The following OSBPL2 variants were observed in gnomAD, a reference collection of about 807,000 sequenced individuals.
The protein encoded by OSBPL2 is oxysterol binding protein like 2.
OSBPL2 carries 18 observed loss-of-function variants against 58.4 expected under a neutral mutation model. That is an observed-to-expected ratio of 0.31 (90% confidence interval 0.21 to 0.46). OSBPL2 has a LOEUF of 0.46. Ranked by LOEUF, OSBPL2 falls within the 20% of genes least tolerant of loss-of-function variation. The pLI, the probability that OSBPL2 is intolerant of heterozygous loss-of-function variation, is 1.00. For synonymous variants in OSBPL2, 221 were observed against 234.1 expected, an observed-to-expected ratio of 0.94 and a Z score of 0.51; for missense variants, 461 against 616.5, an observed-to-expected ratio of 0.75 and a Z score of 2.67.
chr20:62,259,134 T>C (rs931896016), intron 2 of OSBPL2: 3 of 152,356 alleles, frequency 2.0e-5, no homozygotes, highest in Non-Finnish European at 4.4e-5. Flanking sequence ...ACTGGGTGGT[T>C]GCCGGCTGCT....
intron 4 of OSBPL2, among the ~76,000 whole-genome samples, chr20:62,267,026 G>T (rs952508491): frequency 2.6e-5 from 4 of 152,196 alleles, no homozygotes; most frequent in Non-Finnish European, 5.9e-5. Flanking sequence ...GAGGCGAGAG[G>T]ATCGCTCGAG....
Position 62,256,191 on chromosome 20 carries a change from G to A in OSBPL2, c.7G>A (p.Gly3Arg), listed in dbSNP as rs746311450. The change falls in exon 2 of 14, where the codon GGA (glycine) becomes AGA (arginine). Residue 3 changes from glycine to arginine, a missense_variant. By Grantham distance (125) the Gly-to-Arg change is moderately radical. Coordinates refer to ENST00000313733, the MANE Select transcript of OSBPL2 (RefSeq NM_144498.4). The stretch of plus-strand genomic sequence containing the variant: ...GGAGGCTGGCTGCTGAAGGATGAAC[G>A]GAGAGGAAGAATTCTTTGATGCCGT... The part of the protein sequence containing the change: MN[G>R]EEEFFDAVTG... 38 of 1,613,776 alleles carry A rather than the reference G, an allele frequency of 2.4e-5. No individual in the cohort carries two copies. Among genetic ancestry groups the A allele is most frequent in the South Asian group, 3.3e-5 (3 of 91,072 alleles).
chr20:62,248,114 A>G (rs1601149453), intron 1 of OSBPL2, among the ~76,000 whole-genome samples: 1 of 137,860 alleles, frequency 7.3e-6, no homozygotes, highest in Admixed American at 7.1e-5. Flanking sequence ...TAAAACTTAT[A>G]TTTTCTCTCT....
intron 6 of OSBPL2, among the ~76,000 whole-genome samples, chr20:62,273,877 C>T (rs1218412934): frequency 6.6e-6 from 1 of 152,206 alleles, no homozygotes; most frequent in African/African-American, 2.4e-5. Context: ...CGTTTGCCAC[C>T]ACAGCCTCCC....
At position 62,294,570 on chromosome 20, in the gene OSBPL2, C is replaced by G. The variant is rs1601210718; in HGVS notation, c.*683C>G. The G allele has an allele frequency of 6.6e-6, 1 of 152,502 alleles. No homozygotes were observed. Among genetic ancestry groups the G allele is most frequent in the Non-Finnish European group, 1.5e-5 (1 of 68,068 alleles). 9.4% of individuals were successfully genotyped at this position (152,502 alleles called of 1,614,324 possible). A position where few individuals can be genotyped will look rare whatever the true frequency, so the allele number is the denominator to read the frequency against. On this transcript the variant is annotated 3_prime_UTR_variant, in exon 14 of 14. Transcript: ENST00000313733. ...TATACTGTCCAAAATGAAGCATCCCCGTGACAAACCAGAGTGGGCAGAAGC... is the reference window on the plus strand; with the variant it reads ...TATACTGTCCAAAATGAAGCATCCCGGTGACAAACCAGAGTGGGCAGAAGC...
intron 2 of OSBPL2, among the ~76,000 whole-genome samples, chr20:62,258,306 T>C (rs1038078637): frequency 3.9e-5 from 6 of 152,232 alleles, no homozygotes; most frequent in African/African-American, 1.4e-4. Context: ...AGAGGTAGAC[T>C]CTCGACTCCT....
intron 1 of OSBPL2, among the ~76,000 whole-genome samples, chr20:62,239,560 G>A (rs182970239): frequency 1.4e-3 from 206 of 152,336 alleles, no homozygotes; most frequent in African/African-American, 4.7e-3. Context: ...TGGGATGACT[G>A]CCCGGAACAC....
intron 6 of OSBPL2, among the ~76,000 whole-genome samples, chr20:62,275,404 T>C (rs1281685902): frequency 7.1e-6 from 1 of 140,258 alleles, no homozygotes; most frequent in African/African-American, 2.5e-5. Context: ...TTCTTGTTCC[T>C]TTTTTTTTTT....
rs778688655 is a variant in OSBPL2, at chr20:62,293,916, C to G, written c.*29C>G. 2 of 1,606,780 alleles carry G rather than the reference C, an allele frequency of 1.2e-6. No homozygotes were observed. The highest frequency in any genetic ancestry group is 1.7e-6 in the Non-Finnish European group (2 of 1,177,242). ...CCTGGAGGGGCCTGGGGCCCGGGACCGGAGGCTGACGAGGCTGGACTTCCT... is the reference window on the plus strand; with the variant it reads ...CCTGGAGGGGCCTGGGGCCCGGGACGGGAGGCTGACGAGGCTGGACTTCCT... On this transcript the variant is annotated 3_prime_UTR_variant, in exon 14 of 14. Transcript: ENST00000313733.
In OSBPL2 at chr20:62,295,201, C is replaced by G. The variant is rs1272992517; in HGVS notation, c.*1314C>G. On this transcript the variant is annotated 3_prime_UTR_variant, in exon 14 of 14. Transcript: ENST00000313733. This position sits in a 1 kb window ranked among gnomAD's most constrained non-coding sequence, Gnocchi z 4.8. ...TCCCGACCTCAAGTAGTCTGCCTGCCTCAACCTCCCAAAGTGCTGGGATTA... is the reference window on the plus strand; with the variant it reads ...TCCCGACCTCAAGTAGTCTGCCTGCGTCAACCTCCCAAAGTGCTGGGATTA... The G allele has an allele frequency of 6.6e-6, 1 of 151,868 alleles. No homozygotes were observed. The highest frequency in any genetic ancestry group is 1.5e-5 in the Non-Finnish European group (1 of 68,054). 9.4% of individuals were successfully genotyped at this position (151,868 alleles called of 1,614,324 possible).
chr20:62,248,106 A>C (rs187813731), intron 1 of OSBPL2, among the ~76,000 whole-genome samples: 104 of 151,278 alleles, frequency 6.9e-4, no homozygotes, highest in African/African-American at 2.3e-3. Flanking sequence ...TTATGAAATA[A>C]AACTTATATT....
intron 2 of OSBPL2, chr20:62,258,889 C>G (rs1981110445): frequency 1.3e-5 from 2 of 152,234 alleles, no homozygotes; most frequent in African/African-American, 4.8e-5. Flanking sequence ...ATTTCAGAAA[C>G]TGTGGGCCAT....
chr20:62,244,844 G>C (rs762288551), intron 1 of OSBPL2, among the ~76,000 whole-genome samples: 4 of 152,218 alleles, frequency 2.6e-5, no homozygotes, highest in African/African-American at 9.6e-5. Flanking sequence ...GCTCACCTTT[G>C]CCTGCCTCTC....
chr20:62,293,374 C>G (rs1983654083), intron 13 of OSBPL2, among the ~76,000 whole-genome samples: 1 of 152,210 alleles, frequency 6.6e-6, no homozygotes, highest in Non-Finnish European at 1.5e-5. Context: ...TTCTCTTTGC[C>G]TATAATGTCT....
chr20:62,254,751 C>T (rs2145925771), intron 1 of OSBPL2, among the ~76,000 whole-genome samples: 1 of 152,080 alleles, frequency 6.6e-6, no homozygotes. Context: ...CTGATTTTGG[C>T]TTCCTTCTCT....
chr20:62,246,358 G>C (rs556274657), intron 1 of OSBPL2, among the ~76,000 whole-genome samples: 1 of 152,246 alleles, frequency 6.6e-6, no homozygotes, highest in Non-Finnish European at 1.5e-5. Context: ...CCATAGGGAC[G>C]ACACTGGACA....
At chr20:62,289,583 AAAATG>A in intron 12 of OSBPL2, among the ~76,000 whole-genome samples, 2 of 152,366 alleles carry the variant, frequency 1.3e-5, no homozygotes, top group South Asian at 4.1e-4. Flanking sequence ...ACATTACTAG[AAAATG>A]AAATGAAAAA....
At chr20:62,278,561 CTGTTG>C (rs150284437) in intron 6 of OSBPL2, 741 of 33,436 alleles carry the variant, frequency 0.022, 31 homozygotes, top group Middle Eastern at 0.05. Flanking sequence ...GTGTGTGTGT[CTGTTG>C]CCAACGTTAG....
chr20:62,262,358 C>G (rs963966728), intron 3 of OSBPL2, among the ~76,000 whole-genome samples: 1 of 152,188 alleles, frequency 6.6e-6, no homozygotes, highest in African/African-American at 2.4e-5. Flanking sequence ...CCCTCTGCTC[C>G]CTTGGCCTGG....
Sources: allele counts gnomAD v4.1 joint callset (sites outside exome capture counted in the v4.1 genomes callset), GRCh38; gene constraint gnomAD v4.1.1; non-coding constraint Gnocchi (gnomAD v3.1); transcripts MANE v1.5; gene names NCBI Gene and HGNC (gene_info 2026-07-23, HGNC 2026-07-21).